GPC6: variants seen among roughly 807,000 people sequenced by gnomAD.
GPC6 encodes the protein glypican-6.
A neutral mutation model predicts 55.2 loss-of-function variants in GPC6; 14 were observed. That is an observed-to-expected ratio of 0.25 (90% CI 0.17 to 0.40). The LOEUF (loss-of-function observed/expected upper bound fraction) is 0.40, where lower values mean the gene tolerates loss of function less well. GPC6 is among the 10% of genes least tolerant of loss of function. The pLI is 1.00. For missense variants in GPC6, 641 were observed against 708.5 expected, an observed-to-expected ratio of 0.90 and a Z score of 1.08; for synonymous variants, 278 against 259.6, an observed-to-expected ratio of 1.07 and a Z score of -0.68.
At position 93,468,243 on chromosome 13, in the gene GPC6, C is replaced by T. The variant is rs574615025; in HGVS notation, c.161-77020C>T. On this transcript the variant is annotated intron_variant, in intron 1 of 8. Transcript: ENST00000377047. ...GGTCTTGATCTTAATGGCCATTACC[C>T]TGTAATGAATGAATTTGGGCTTTGA... Among the ~76,000 whole-genome samples, 388 of 152,210 alleles carry T rather than the reference C, an allele frequency of 2.5e-3. 6 individuals are homozygous for T. Among genetic ancestry groups the T allele is most frequent in the East Asian group, 3.1e-3 (16 of 5,172 alleles).
intron 4 of GPC6, among the ~76,000 whole-genome samples, chr13:94,086,124 T>C (rs972341744): frequency 1.3e-5 from 2 of 152,256 alleles, no homozygotes; most frequent in African/African-American, 4.8e-5. Flanking sequence ...CGTGAATTTT[T>C]AAAATTGGTT....
intron 4 of GPC6, among the ~76,000 whole-genome samples, chr13:94,121,739 T>A (rs1227476890): frequency 1.3e-5 from 2 of 152,140 alleles, no homozygotes; most frequent in Admixed American, 6.6e-5. Flanking sequence ...CTGATTTTTT[T>A]AAAGATTATC....
In GPC6 at chr13:93,890,391, A is replaced by C. The variant is rs577275741; in HGVS notation, c.711+59846A>C. On this transcript the variant is annotated intron_variant, in intron 3 of 8. Coordinates refer to ENST00000377047, the MANE Select transcript of GPC6 (RefSeq NM_005708.5). ...TCTTGAGGGACTTCTGCATGCCTTT[A>C]TATACCTTCAATTACTTGTTTACTG... Among the ~76,000 whole-genome samples, 12 of 152,232 alleles carry C rather than the reference A, an allele frequency of 7.9e-5. No individual in the cohort carries two copies. The South Asian group carries it at 2.5e-3, about 32-fold the overall frequency.
chr13:93,981,764 CA>C (rs1880814135), intron 3 of GPC6, among the ~76,000 whole-genome samples: 1 of 152,064 alleles, frequency 6.6e-6, no homozygotes, highest in South Asian at 2.1e-4. Flanking sequence ...TTCACAGTGT[CA>C]TGTGTTTGTT....
At chr13:94,090,549 G>A (rs888614169) in intron 4 of GPC6, among the ~76,000 whole-genome samples, 1 of 152,158 alleles carries the variant, frequency 6.6e-6, no homozygotes, top group South Asian at 2.1e-4. Flanking sequence ...TGTCACTGCT[G>A]TGAGTGGGGC....
At position 93,257,142 on chromosome 13, in the gene GPC6, CA is replaced by C. The variant is rs142725369; in HGVS notation, c.160+29536del. On this transcript the variant is annotated intron_variant, in intron 1 of 8. Coordinates refer to ENST00000377047, the MANE Select transcript of GPC6 (RefSeq NM_005708.5). The stretch of plus-strand genomic sequence containing the variant: ...CAACATAGTGAGATCTTTTCTCTAC[CA>C]AAAAAAAAATTATCAGGCATGATGG... Among the ~76,000 whole-genome samples the C allele has an allele frequency of 1.4e-4, 21 of 149,360 alleles. No homozygotes were observed. In the East Asian group the frequency reaches 2.8e-3, roughly 20 times the overall value.
chr13:94,331,001 TA>T (rs1203234798), intron 6 of GPC6, among the ~76,000 whole-genome samples: 2 of 152,148 alleles, frequency 1.3e-5, no homozygotes, highest in African/African-American at 4.8e-5. Flanking sequence ...AAATATTTAA[TA>T]AAAAAATTTG....
chr13:93,858,328 G>T (rs1289002907), intron 3 of GPC6, among the ~76,000 whole-genome samples: 1 of 151,538 alleles, frequency 6.6e-6, no homozygotes, highest in Non-Finnish European at 1.5e-5. Context: ...ATGGCCAATG[G>T]ATTATGGTTA....
intron 2 of GPC6, among the ~76,000 whole-genome samples, chr13:93,571,036 T>C (rs1876377199): frequency 1.3e-5 from 2 of 152,074 alleles, no homozygotes; most frequent in South Asian, 4.1e-4. Flanking sequence ...TTATTACATA[T>C]ATATATATTT....
intron 4 of GPC6, among the ~76,000 whole-genome samples, chr13:94,085,321 CAAAA>C (rs33967804): frequency 1.1e-4 from 10 of 87,078 alleles, no homozygotes; most frequent in East Asian, 3.3e-4. Flanking sequence ...GATTCTGTCT[CAAAA>C]AAAAAAAAAA....
intron 2 of GPC6, among the ~76,000 whole-genome samples, chr13:93,627,409 C>A (rs1211138254): frequency 6.6e-6 from 1 of 152,124 alleles, no homozygotes; most frequent in African/African-American, 2.4e-5. Flanking sequence ...GAGGACAGCT[C>A]CTAGGGAGAT....
At chr13:93,635,935 T>G (rs775476131) in intron 2 of GPC6, among the ~76,000 whole-genome samples, 3 of 152,096 alleles carry the variant, frequency 2.0e-5, no homozygotes, top group Non-Finnish European at 4.4e-5. Context: ...TTCCCCTACA[T>G]TGACTAATCT....
intron 2 of GPC6, among the ~76,000 whole-genome samples, chr13:93,756,152 C>T (rs1026410603): frequency 6.6e-6 from 1 of 152,158 alleles, no homozygotes; most frequent in Admixed American, 6.6e-5. Flanking sequence ...TGGGATTCTA[C>T]GTAGGCTCCA....
At chr13:93,594,975 G>C (rs1459384705) in intron 2 of GPC6, among the ~76,000 whole-genome samples, 1 of 152,082 alleles carries the variant, frequency 6.6e-6, no homozygotes, top group Non-Finnish European at 1.5e-5. Flanking sequence ...TTTGGGGATA[G>C]GGAATACAAA....
intron 1 of GPC6, among the ~76,000 whole-genome samples, chr13:93,252,543 C>T (rs989920718): frequency 6.6e-6 from 1 of 152,112 alleles, no homozygotes; most frequent in African/African-American, 2.4e-5. Context: ...ATTCATTTGC[C>T]CTAAGCCTCT....
intron 2 of GPC6, among the ~76,000 whole-genome samples, chr13:93,565,638 G>T (rs56883667): frequency 6.6e-6 from 1 of 151,984 alleles, no homozygotes; most frequent in African/African-American, 2.4e-5. Context: ...AAACACATCT[G>T]GTCAGCTGGG....
chr13:93,667,857 C>T (rs569510318), intron 2 of GPC6, among the ~76,000 whole-genome samples: 9 of 151,782 alleles, frequency 5.9e-5, no homozygotes, highest in East Asian at 1.9e-4. Context: ...GAAAACTCCA[C>T]GGCTTGAGTT....
chr13:94,229,883 G>A (rs1003235833), intron 4 of GPC6, among the ~76,000 whole-genome samples: 1 of 152,180 alleles, frequency 6.6e-6, no homozygotes, highest in Non-Finnish European at 1.5e-5. Flanking sequence ...GACTGGATGG[G>A]ATCTGTTTCA....
At chr13:94,076,084 T>C (rs1884902633) in intron 4 of GPC6, among the ~76,000 whole-genome samples, 1 of 151,876 alleles carries the variant, frequency 6.6e-6, no homozygotes, top group Non-Finnish European at 1.5e-5. Flanking sequence ...ACCAACAGAG[T>C]GCAGGGGTTC....
Sources: gnomAD v4.1 joint callset for allele counts (sites outside exome capture counted in the v4.1 genomes callset) on GRCh38, gnomAD v4.1.1 for gene constraint, MANE v1.5 for transcripts, NCBI Gene and HGNC (gene_info 2026-07-23, HGNC 2026-07-21) for gene names.